KCNJ6: variants seen among roughly 807,000 people sequenced by gnomAD.
The protein encoded by KCNJ6 is G protein-activated inward rectifier potassium channel 2.
A neutral mutation model predicts 34.2 loss-of-function variants in KCNJ6; 9 were observed. That is an observed-to-expected ratio of 0.26 (90% CI 0.16 to 0.46). The LOEUF is 0.46. KCNJ6 is among the 20% of genes least tolerant of loss of function. KCNJ6 has a pLI of 1.00. For synonymous variants in KCNJ6, 196 were observed against 207.1 expected (o/e 0.95, Z 0.46); for missense variants, 236 against 531.3 (o/e 0.44, Z 5.46).
At chr21:37,772,848 T>G (rs1160626748) in intron 2 of KCNJ6, among the ~76,000 whole-genome samples, 2 of 152,222 alleles carry the variant, frequency 1.3e-5, no homozygotes, top group Non-Finnish European at 1.5e-5. Context: ...CTTGCCATGA[T>G]TTCTTTATGC....
At chr21:37,901,369 C>A (rs760327046) in intron 1 of KCNJ6, among the ~76,000 whole-genome samples, 5 of 143,112 alleles carry the variant, frequency 3.5e-5, no homozygotes, top group Non-Finnish European at 7.6e-5. Flanking sequence ...GCATTTCTAT[C>A]GGTGAAATTT....
In KCNJ6 at chr21:37,620,133, G is replaced by A; in HGVS notation, c.*5026C>T. 1 of 152,126 alleles carries A rather than the reference G, an allele frequency of 6.6e-6. No individual in the cohort carries two copies. Among genetic ancestry groups the A allele is most frequent in the Admixed American group, 6.5e-5 (1 of 15,270 alleles). The allele number at this position is 152,126 out of a possible 1,614,324, so 9.4% of individuals were successfully genotyped here. A position where few individuals can be genotyped will look rare whatever the true frequency, so the allele number is the denominator to read the frequency against. On this transcript the variant is annotated 3_prime_UTR_variant, in exon 4 of 4. Coordinates refer to ENST00000609713, the MANE Select transcript of KCNJ6 (RefSeq NM_002240.5). ...TCTATATTGCCTAGGACTCTCTTAA[G>A]AGTACAGTACAATATTTCATAGTAC...
rs190865295 is a variant in KCNJ6, at chr21:37,896,019, G to A, written c.-28+19865C>T. ...TTTTAAGGGGCTCACGGTTCTGCAGGCTGCACAGGAAGAATGATGCTGGCA... is the reference window on the plus strand; with the variant it reads ...TTTTAAGGGGCTCACGGTTCTGCAGACTGCACAGGAAGAATGATGCTGGCA... On this transcript the variant is annotated intron_variant, in intron 1 of 3. Transcript: ENST00000609713. Among the ~76,000 whole-genome samples the A allele has an allele frequency of 6.1e-4, 93 of 152,272 alleles. 1 individual carries two copies. In the South Asian group the frequency reaches 0.012, roughly 20 times the overall value.
At chr21:37,897,795 C>A (rs1306222403) in intron 1 of KCNJ6, among the ~76,000 whole-genome samples, 1 of 152,212 alleles carries the variant, frequency 6.6e-6, no homozygotes, top group Non-Finnish European at 1.5e-5. Flanking sequence ...ACAGGCTTAT[C>A]ATCACAGCCA....
intron 2 of KCNJ6, among the ~76,000 whole-genome samples, chr21:37,739,381 A>ACC (rs2054928534): frequency 1.3e-5 from 2 of 152,208 alleles, no homozygotes; most frequent in Non-Finnish European, 2.9e-5. Context: ...AATTGATGCA[A>ACC]AAGGCAGTCC....
In KCNJ6 at chr21:37,620,192, A is replaced by G. The variant is rs1446393279; in HGVS notation, c.*4967T>C. The G allele has an allele frequency of 1.3e-5, 2 of 152,216 alleles. No homozygotes were observed. Among genetic ancestry groups the G allele is most frequent in the Non-Finnish European group, 1.5e-5 (1 of 68,052 alleles). The allele number at this position is 152,216 out of a possible 1,614,324, so 9.4% of individuals were successfully genotyped here. A position where few individuals can be genotyped will look rare whatever the true frequency, so the allele number is the denominator to read the frequency against. On this transcript the variant is annotated 3_prime_UTR_variant, in exon 4 of 4. Coordinates refer to ENST00000609713, the MANE Select transcript of KCNJ6 (RefSeq NM_002240.5). ...CTTACATACTATTATTAATAGTACT[A>G]TTACTAGTACTTAATAGTACCAATA... is the stretch of plus-strand genomic sequence containing the variant.
At chr21:37,666,012 C>A (rs1479153234) in intron 3 of KCNJ6, among the ~76,000 whole-genome samples, 2 of 152,138 alleles carry the variant, frequency 1.3e-5, no homozygotes, top group African/African-American at 4.8e-5. Context: ...TAGTTGCTAC[C>A]ATGATGTCAT....
intron 2 of KCNJ6, among the ~76,000 whole-genome samples, chr21:37,839,364 A>G (rs1175774362): frequency 6.6e-6 from 1 of 152,200 alleles, no homozygotes; most frequent in Non-Finnish European, 1.5e-5. Flanking sequence ...GCATGTGTTC[A>G]AGACTTATGT....
At chr21:37,686,698 C>T (rs1334402018) in intron 3 of KCNJ6, among the ~76,000 whole-genome samples, 3 of 151,986 alleles carry the variant, frequency 2.0e-5, no homozygotes, top group Non-Finnish European at 4.4e-5. Flanking sequence ...AACTCCTGAC[C>T]TCAGGTGATC....
Position 37,624,838 on chromosome 21 carries a change from G to C in KCNJ6, c.*321C>G. ...AAATCTTTGACACACCTTTTTGAGT[G>C]ATCTGGTATTGTACAACACATGCAG... is the stretch of plus-strand genomic sequence containing the variant. On this transcript the variant is annotated 3_prime_UTR_variant, in exon 4 of 4. Transcript: ENST00000609713. The C allele has an allele frequency of 3.4e-6, 1 of 292,486 alleles. No individual in the cohort carries two copies. The highest frequency in any genetic ancestry group is 6.3e-6 in the Non-Finnish European group (1 of 157,490). 18.1% of individuals were successfully genotyped at this position (292,486 alleles called of 1,614,324 possible). A position where few individuals can be genotyped will look rare whatever the true frequency, so the allele number is the denominator to read the frequency against.
chr21:37,807,207 A>G (rs1361570756), intron 2 of KCNJ6, among the ~76,000 whole-genome samples: 1 of 152,240 alleles, frequency 6.6e-6, no homozygotes, highest in Non-Finnish European at 1.5e-5. Context: ...GTAGTTAGCT[A>G]ATGTTATATA....
Position 37,612,577 on chromosome 21 carries a change from A to G in KCNJ6, c.*12582T>C, listed in dbSNP as rs2054246393. The G allele has an allele frequency of 6.6e-6, 1 of 152,246 alleles. No individual in the cohort carries two copies. Among genetic ancestry groups the G allele is most frequent in the Non-Finnish European group, 1.5e-5 (1 of 68,048 alleles). The allele number at this position is 152,246 out of a possible 1,614,324, so 9.4% of individuals were successfully genotyped here. On this transcript the variant is annotated 3_prime_UTR_variant, in exon 4 of 4. Coordinates refer to ENST00000609713, the MANE Select transcript of KCNJ6 (RefSeq NM_002240.5). Reference sequence around the variant, plus strand: ...TGGTGAAGGAATAGACAAATAGATCAGTGGAACAGAATGGAGAGCTGAGAA... The same window carrying G: ...TGGTGAAGGAATAGACAAATAGATCGGTGGAACAGAATGGAGAGCTGAGAA...
intron 3 of KCNJ6, among the ~76,000 whole-genome samples, chr21:37,686,172 T>A (rs557477058): frequency 1.9e-4 from 29 of 152,264 alleles, no homozygotes; most frequent in African/African-American, 6.3e-4. Context: ...AATTAAAATT[T>A]AAAAAATGAG....
At chr21:37,769,985 T>A (rs979991633) in intron 2 of KCNJ6, among the ~76,000 whole-genome samples, 1 of 152,188 alleles carries the variant, frequency 6.6e-6, no homozygotes, top group Non-Finnish European at 1.5e-5. Flanking sequence ...CTTCTCAGTC[T>A]CCAGAACTGT....
chr21:37,734,021 A>C (rs920735388), intron 2 of KCNJ6, among the ~76,000 whole-genome samples: 2 of 152,234 alleles, frequency 1.3e-5, no homozygotes, highest in African/African-American at 4.8e-5. Context: ...GAAGATGTTC[A>C]GTCCTGCCAG....
intron 1 of KCNJ6, among the ~76,000 whole-genome samples, chr21:37,871,973 A>G (rs1010697697): frequency 6.6e-6 from 1 of 152,208 alleles, no homozygotes; most frequent in African/African-American, 2.4e-5. Flanking sequence ...AAATGTGTGT[A>G]TTTTCAAATG....
At chr21:37,644,208 A>G (rs577739700) in intron 3 of KCNJ6, among the ~76,000 whole-genome samples, 1 of 152,280 alleles carries the variant, frequency 6.6e-6, no homozygotes, top group Non-Finnish European at 1.5e-5. Context: ...GGAACAACAC[A>G]CACTGGGGCC....
intron 1 of KCNJ6, among the ~76,000 whole-genome samples, chr21:37,842,170 G>T (rs191997326): frequency 6.6e-6 from 1 of 152,188 alleles, no homozygotes; most frequent in Non-Finnish European, 1.5e-5. Flanking sequence ...ACGGACAACT[G>T]TAGTGTTCTT....
chr21:37,843,882 G>A (rs541933229), intron 1 of KCNJ6, among the ~76,000 whole-genome samples: 34 of 152,260 alleles, frequency 2.2e-4, no homozygotes, highest in African/African-American at 8.2e-4. Context: ...CAGTCCCAGT[G>A]CAGTGTTGAA....
Sources: gnomAD v4.1 joint callset for allele counts (sites outside exome capture counted in the v4.1 genomes callset) on GRCh38, gnomAD v4.1.1 for gene constraint, MANE v1.5 for transcripts, NCBI Gene and HGNC (gene_info 2026-07-23, HGNC 2026-07-21) for gene names.